PRKD1: variants seen among roughly 807,000 people sequenced by gnomAD.
PRKD1 encodes the protein serine/threonine-protein kinase D1.
A neutral mutation model predicts 95.9 loss-of-function variants in PRKD1; 63 were observed. That is an observed-to-expected ratio of 0.66 (90% CI 0.54 to 0.81). The LOEUF (loss-of-function observed/expected upper bound fraction) is 0.81, where lower values mean the gene tolerates loss of function less well. Among genes scored for constraint, PRKD1 ranks in the 30% least tolerant of loss-of-function variants. The pLI is 0.00. For missense variants in PRKD1, 1,048 were observed against 1,165.3 expected (o/e 0.90, Z 1.47); for synonymous variants, 425 against 423.1 (o/e 1.00, Z -0.05).
At chr14:29,834,542 CT>C (rs1891537550) in intron 1 of PRKD1, among the ~76,000 whole-genome samples, 1 of 152,006 alleles carries the variant, frequency 6.6e-6, no homozygotes, top group African/African-American at 2.4e-5. Context: ...AAAGCATACT[CT>C]TAATAATTTA....
At chr14:29,625,658 C>T (rs967854820) in intron 12 of PRKD1, among the ~76,000 whole-genome samples, 4 of 152,122 alleles carry the variant, frequency 2.6e-5, no homozygotes, top group African/African-American at 9.7e-5. Context: ...TGATAGGTTT[C>T]TCATCAAAGA....
intron 2 of PRKD1, among the ~76,000 whole-genome samples, chr14:29,700,050 AATT>A (rs1454821594): frequency 1.3e-5 from 2 of 151,954 alleles, no homozygotes; most frequent in African/African-American, 4.8e-5. Context: ...TAGGTTCAAA[AATT>A]ATCAAGATTT....
Position 29,927,333 on chromosome 14 carries a change from C to T in PRKD1, c.180G>A (p.Glu60=), listed in dbSNP as rs145515085. The T allele has an allele frequency of 2.4e-5, 38 of 1,565,602 alleles. No homozygotes were observed. The African/African-American group carries it at 4.9e-4, about 20-fold the overall frequency. Residue 60 remains glutamate (E), a synonymous_variant, in exon 1 of 18, where the codon GAG becomes GAA. Transcript: ENST00000331968. ...SFHLQIGLSR[E]PVLLLQDSSG... is the part of the protein sequence containing the mutation. The stretch of plus-strand genomic sequence containing the variant: ...ACGAGTCCTGCAGCAGCAGCACCGG[C>T]TCACGGCTCAGGCCGATCTGCAGAT...
At chr14:29,763,125 T>A (rs1241734557) in intron 1 of PRKD1, among the ~76,000 whole-genome samples, 270 of 64,780 alleles carry the variant, frequency 4.2e-3, no homozygotes, top group African/African-American at 5.9e-3. Context: ...TCTCTAAAAT[T>A]AAAAAAAAAA....
chr14:29,793,779 A>ATT (rs1261733918), intron 1 of PRKD1, among the ~76,000 whole-genome samples: 1 of 152,114 alleles, frequency 6.6e-6, no homozygotes, highest in East Asian at 1.9e-4. Context: ...GAAATACACA[A>ATT]TTTGTTAATT....
intron 2 of PRKD1, among the ~76,000 whole-genome samples, chr14:29,679,210 A>G (rs1883395246): frequency 1.3e-5 from 2 of 152,248 alleles, no homozygotes; most frequent in South Asian, 4.1e-4. Context: ...AACATGTACC[A>G]TATGGCAACT....
In PRKD1 at chr14:29,760,539, G is replaced by A. The variant is rs45517633; in HGVS notation, c.265-34865C>T. ...CTCGGCTAATTTTGCATTTTTAGTA[G>A]AGATGAGGTTTCACCATGTTGGCCA... On this transcript the variant is annotated intron_variant, in intron 1 of 17. Coordinates refer to ENST00000331968, the MANE Select transcript of PRKD1 (RefSeq NM_002742.3). Among the ~76,000 whole-genome samples the A allele has an allele frequency of 8.0e-3, 1,212 of 151,912 alleles. 19 individuals carry two copies. The highest frequency in any genetic ancestry group is 0.027 in the African/African-American group (1,122 of 41,468).
chr14:29,737,890 T>TA (rs1886803570), intron 1 of PRKD1, among the ~76,000 whole-genome samples: 1 of 152,252 alleles, frequency 6.6e-6, no homozygotes, highest in African/African-American at 2.4e-5. Context: ...TTACAATTTT[T>TA]AAAAAATCAT....
At chr14:29,926,923 T>G in intron 1 of PRKD1, among the ~76,000 whole-genome samples, 1 of 150,918 alleles carries the variant, frequency 6.6e-6, no homozygotes, top group Admixed American at 6.6e-5. Flanking sequence ...AACTGGGAAG[T>G]CTCAAGGACA....
intron 1 of PRKD1, among the ~76,000 whole-genome samples, chr14:29,741,957 G>T (rs142454278): frequency 2.9e-4 from 44 of 152,026 alleles, no homozygotes; most frequent in Non-Finnish European, 6.2e-4. Flanking sequence ...TTGGATGCTG[G>T]CATGGATTCA....
chr14:29,605,032 C>T lies in PRKD1; in HGVS notation c.1906-5215G>A, dbSNP rs144312865. 5.6e-3 allele frequency among the ~76,000 whole-genome samples: 860 copies of T among 152,290 alleles called. 3 individuals carry two copies. The highest frequency in any genetic ancestry group is 0.012 in the African/African-American group (504 of 41,554). On this transcript the variant is annotated intron_variant, in intron 13 of 17. Coordinates refer to ENST00000331968, the MANE Select transcript of PRKD1 (RefSeq NM_002742.3). Reference sequence around the variant, plus strand: ...CTTCTCTTTCACTTCCAACAACCCACTGGTCTCTAAAAGTAATAGAGCCCA... The same window carrying T: ...CTTCTCTTTCACTTCCAACAACCCATTGGTCTCTAAAAGTAATAGAGCCCA...
chr14:29,748,952 G>T (rs1032059252), intron 1 of PRKD1, among the ~76,000 whole-genome samples: 2 of 152,046 alleles, frequency 1.3e-5, no homozygotes, highest in African/African-American at 4.8e-5. Context: ...AAATTATATA[G>T]ATTTTGGAGT....
intron 16 of PRKD1, among the ~76,000 whole-genome samples, chr14:29,588,570 A>G (rs1263178616): frequency 2.0e-5 from 3 of 152,160 alleles, no homozygotes; most frequent in Non-Finnish European, 4.4e-5. Flanking sequence ...GAGGATTGAG[A>G]CCAGTTGGAA....
At chr14:29,680,206 C>T (rs771613550) in intron 2 of PRKD1, among the ~76,000 whole-genome samples, 2 of 152,104 alleles carry the variant, frequency 1.3e-5, no homozygotes, top group Non-Finnish European at 2.9e-5. Flanking sequence ...TAAAAGAGCA[C>T]ATGTAACATG....
At chr14:29,642,427 G>T (rs1880845014) in intron 4 of PRKD1, among the ~76,000 whole-genome samples, 2 of 152,020 alleles carry the variant, frequency 1.3e-5, no homozygotes, top group Non-Finnish European at 1.5e-5. Flanking sequence ...CAAAAATTCA[G>T]AAATTAATAG....
chr14:29,878,417 A>C (rs1230375577), intron 1 of PRKD1, among the ~76,000 whole-genome samples: 1 of 151,986 alleles, frequency 6.6e-6, no homozygotes, highest in Non-Finnish European at 1.5e-5. Context: ...GTATATACTG[A>C]AAAGAAGTGA....
At chr14:29,607,158 G>A (rs1173780902) in intron 13 of PRKD1, among the ~76,000 whole-genome samples, 1 of 152,136 alleles carries the variant, frequency 6.6e-6, no homozygotes, top group Admixed American at 6.5e-5. Context: ...TGGGCCCAAT[G>A]TCCCCCTTTA....
chr14:29,602,981 C>CT (rs1318795184), intron 13 of PRKD1, among the ~76,000 whole-genome samples: 1 of 152,150 alleles, frequency 6.6e-6, no homozygotes, highest in Admixed American at 6.5e-5. Context: ...CTAATAGCAT[C>CT]TTGATGTAAA....
intron 1 of PRKD1, among the ~76,000 whole-genome samples, chr14:29,809,216 C>T (rs1890377778): frequency 6.6e-6 from 1 of 152,226 alleles, no homozygotes; most frequent in Admixed American, 6.5e-5. Context: ...TGCTGTCACA[C>T]AGGTTTTATT....
Sources: gnomAD v4.1 joint callset for allele counts (sites outside exome capture counted in the v4.1 genomes callset) on GRCh38, gnomAD v4.1.1 for gene constraint, MANE v1.5 for transcripts, NCBI Gene and HGNC (gene_info 2026-07-23, HGNC 2026-07-21) for gene names.